The following FHIP1A variants were observed in gnomAD, a reference collection of about 807,000 sequenced individuals.
FHIP1A encodes the protein FHF complex subunit HOOK-interacting protein 1A.
In FHIP1A, 61 loss-of-function variants were observed where a neutral mutation model predicts 88.6. The observed-to-expected ratio is 0.69, with a 90% CI of 0.56 to 0.85. The LOEUF is 0.85. FHIP1A is among the 40% of genes least tolerant of loss of function. FHIP1A has a pLI of 0.00. For synonymous variants in FHIP1A, 478 were observed against 496.0 expected, an observed-to-expected ratio of 0.96 and a Z score of 0.48; for missense variants, 1,154 against 1,273.5, an observed-to-expected ratio of 0.91 and a Z score of 1.43.
chr4:151,608,041 T>C (rs79161869), intron 7 of FHIP1A, among the ~76,000 whole-genome samples: 1 of 125,312 alleles, frequency 8.0e-6, no homozygotes, highest in South Asian at 2.9e-4. Flanking sequence ...CTTCTTCTTT[T>C]TTTTTTTTTT....
chr4:151,577,188 A>G (rs1205906876), intron 4 of FHIP1A, among the ~76,000 whole-genome samples: 2 of 152,158 alleles, frequency 1.3e-5, no homozygotes, highest in Non-Finnish European at 2.9e-5. Context: ...AATTTATATA[A>G]CCATACTATT....
chr4:151,576,192 C>T (rs1273869246), intron 4 of FHIP1A, among the ~76,000 whole-genome samples: 1 of 152,130 alleles, frequency 6.6e-6, no homozygotes, highest in African/African-American at 2.4e-5. Context: ...CAGATGCTAG[C>T]AGTGGGAAAG....
At chr4:151,642,428 TAGGAGCTA>T (rs1420080843) in intron 9 of FHIP1A, among the ~76,000 whole-genome samples, 1 of 151,954 alleles carries the variant, frequency 6.6e-6, no homozygotes, top group Non-Finnish European at 1.5e-5. Flanking sequence ...TCATCTTGCA[TAGGAGCTA>T]GGGGTTTGGA....
Position 151,663,667 on chromosome 4 carries a change from G to T in FHIP1A, c.*913G>T, listed in dbSNP as rs1321684009. 6.6e-6 allele frequency: 1 copy of T among 151,978 alleles called. No individual in the cohort carries two copies. Among genetic ancestry groups the T allele is most frequent in the Non-Finnish European group, 1.5e-5 (1 of 67,976 alleles). The allele number at this position is 151,978 out of a possible 1,614,324, so 9.4% of individuals were successfully genotyped here. On this transcript the variant is annotated 3_prime_UTR_variant, in exon 14 of 14. Transcript: ENST00000435205. ...TTCATAGTGGGTTTTTTCAGGGAGG[G>T]TATGCTGGGTGGGATGGGGAGATAA...
intron 7 of FHIP1A, among the ~76,000 whole-genome samples, chr4:151,613,682 A>G (rs1735408235): frequency 6.6e-6 from 1 of 152,250 alleles, no homozygotes; most frequent in Non-Finnish European, 1.5e-5. Context: ...AATGACCAGG[A>G]GGCTTTGTGA....
chr4:151,543,527 A>G (rs916454310), intron 3 of FHIP1A, among the ~76,000 whole-genome samples: 1 of 152,236 alleles, frequency 6.6e-6, no homozygotes, highest in African/African-American at 2.4e-5. Flanking sequence ...ATAGCATACA[A>G]TACACCTGGA....
At position 151,650,740 on chromosome 4, in the gene FHIP1A, G is replaced by T; in HGVS notation, c.2551+148G>T. The T allele has an allele frequency of 5.7e-6, 6 of 1,045,078 alleles. No homozygotes were observed. In the South Asian group the frequency reaches 6.3e-5, roughly 11 times the overall value. The allele number at this position is 1,045,078 out of a possible 1,614,324, so 64.7% of individuals were successfully genotyped here. A position where few individuals can be genotyped will look rare whatever the true frequency, so the allele number is the denominator to read the frequency against. On this transcript the variant is annotated intron_variant, in intron 11 of 13. Transcript: ENST00000435205. ...ATTTTTGTAAAGATCAAAGAGGGGT[G>T]GCTTTATTTTTATTTTTCCATTCTT...
At chr4:151,514,255 T>G (rs1327640539) in intron 3 of FHIP1A, among the ~76,000 whole-genome samples, 1 of 151,714 alleles carries the variant, frequency 6.6e-6, no homozygotes, top group African/African-American at 2.4e-5. Flanking sequence ...TTGAAACCAA[T>G]GAGAACAAAG....
At chr4:151,466,875 A>G (rs561815602) in intron 2 of FHIP1A, among the ~76,000 whole-genome samples, 4 of 152,312 alleles carry the variant, frequency 2.6e-5, no homozygotes, top group African/African-American at 7.2e-5. Flanking sequence ...AACCATAAAA[A>G]CCCTAGAAGA....
At chr4:151,419,747 G>A (rs1207875573) in intron 1 of FHIP1A, among the ~76,000 whole-genome samples, 1 of 15,216 alleles carries the variant, frequency 6.6e-5, no homozygotes, top group Non-Finnish European at 1.5e-4. Context: ...CCCCTCCCCC[G>A]ACCCCACCAC....
At chr4:151,599,208 TATAG>T (rs765421657) in intron 7 of FHIP1A, among the ~76,000 whole-genome samples, 29 of 152,226 alleles carry the variant, frequency 1.9e-4, no homozygotes, top group Non-Finnish European at 3.5e-4. Flanking sequence ...TAGATCCAGC[TATAG>T]ATACGGATAT....
At chr4:151,478,808 A>G (rs779666743) in intron 2 of FHIP1A, among the ~76,000 whole-genome samples, 5 of 152,138 alleles carry the variant, frequency 3.3e-5, no homozygotes, top group Non-Finnish European at 5.9e-5. Context: ...AGTAGTTGTC[A>G]CATTGGGAAA....
intron 13 of FHIP1A, among the ~76,000 whole-genome samples, chr4:151,657,488 G>T (rs767690554): frequency 6.6e-6 from 1 of 152,108 alleles, no homozygotes; most frequent in South Asian, 2.1e-4. Context: ...AGGAGTGGGG[G>T]TGGGGGCATG....
At chr4:151,516,023 A>G (rs1387215702) in intron 3 of FHIP1A, among the ~76,000 whole-genome samples, 3 of 152,224 alleles carry the variant, frequency 2.0e-5, no homozygotes, top group African/African-American at 7.2e-5. Context: ...ACAAAGCTGG[A>G]GGCATCACAC....
chr4:151,652,007 G>C (rs1227308628), intron 11 of FHIP1A, among the ~76,000 whole-genome samples: 1 of 152,206 alleles, frequency 6.6e-6, no homozygotes, highest in African/African-American at 2.4e-5. Context: ...GAAGGGAAAA[G>C]GGCAGCAGTA....
intron 7 of FHIP1A, among the ~76,000 whole-genome samples, chr4:151,610,637 A>G (rs1050106007): frequency 6.6e-6 from 1 of 152,172 alleles, no homozygotes; most frequent in Non-Finnish European, 1.5e-5. Context: ...CCAGCCTTCT[A>G]GTTAAATGCC....
intron 7 of FHIP1A, among the ~76,000 whole-genome samples, chr4:151,609,593 T>A (rs1735218267): frequency 6.6e-6 from 1 of 151,978 alleles, no homozygotes; most frequent in African/African-American, 2.4e-5. Flanking sequence ...TTAAAGAATA[T>A]CTGTAATTAC....
At chr4:151,452,979 C>G (rs1728845430) in intron 1 of FHIP1A, among the ~76,000 whole-genome samples, 1 of 149,268 alleles carries the variant, frequency 6.7e-6, no homozygotes, top group Admixed American at 6.7e-5. Flanking sequence ...CACACACAAA[C>G]ATACATTGAT....
intron 4 of FHIP1A, among the ~76,000 whole-genome samples, chr4:151,567,178 A>G (rs945777182): frequency 1.3e-5 from 2 of 152,202 alleles, no homozygotes; most frequent in South Asian, 2.1e-4. Context: ...GAGTTTACAC[A>G]TAGTAAAATA....
Sources: gnomAD v4.1 joint callset for allele counts (sites outside exome capture counted in the v4.1 genomes callset) on GRCh38, gnomAD v4.1.1 for gene constraint, MANE v1.5 for transcripts, NCBI Gene and HGNC (gene_info 2026-07-23, HGNC 2026-07-21) for gene names.